CTNNA3: variants seen among roughly 807,000 people sequenced by gnomAD.
The protein encoded by CTNNA3 is catenin alpha 3, also known as catenin alpha-3.
In CTNNA3, 76 loss-of-function variants were observed where a neutral mutation model predicts 95.7. The ratio of observed to expected loss-of-function variants is 0.79; its 90% CI spans 0.66 to 0.96. The LOEUF is 0.96. Ranked by LOEUF, CTNNA3 falls within the 40% of genes least tolerant of loss-of-function variation. The pLI, the probability that CTNNA3 is intolerant of heterozygous loss-of-function variation, is 0.00. For synonymous variants in CTNNA3, 431 were observed against 374.4 expected, an observed-to-expected ratio of 1.15 and a Z score of -1.74; for missense variants, 1,191 against 1,089.8, an observed-to-expected ratio of 1.09 and a Z score of -1.31.
intron 9 of CTNNA3, among the ~76,000 whole-genome samples, chr10:66,726,798 A>AC (rs141920457): frequency 0.13 from 19,387 of 152,072 alleles, 1,486 homozygotes; most frequent in African/African-American, 0.2. Context: ...CCTGTTGGGA[A>AC]GACAGATTTG....
chr10:66,518,623 G>T (rs74745924), intron 11 of CTNNA3, among the ~76,000 whole-genome samples: 1,521 of 152,098 alleles, frequency 0.01, 30 homozygotes, highest in African/African-American at 0.035. Context: ...AAATGAATAA[G>T]TTCTTGAATA....
intron 15 of CTNNA3, among the ~76,000 whole-genome samples, chr10:65,998,229 G>A (rs2078704195): frequency 6.6e-6 from 1 of 152,140 alleles, no homozygotes; most frequent in Admixed American, 6.5e-5. Flanking sequence ...CAGCATTTCT[G>A]TGAGAAAAAT....
chr10:67,172,376 TG>T (rs1564941138), intron 7 of CTNNA3, among the ~76,000 whole-genome samples: 2 of 152,230 alleles, frequency 1.3e-5, no homozygotes, highest in African/African-American at 4.8e-5. Context: ...AGAAGAATTA[TG>T]TAACTAGAAA....
intron 6 of CTNNA3, among the ~76,000 whole-genome samples, chr10:67,193,522 C>T (rs1488152661): frequency 7.9e-5 from 12 of 151,876 alleles, no homozygotes; most frequent in Non-Finnish European, 1.5e-5. Context: ...CTATTAGGCA[C>T]CAGTGCCTGT....
intron 9 of CTNNA3, among the ~76,000 whole-genome samples, chr10:66,696,918 C>T (rs181346900): frequency 6.6e-6 from 1 of 152,096 alleles, no homozygotes; most frequent in East Asian, 1.9e-4. Flanking sequence ...GATACTGTCT[C>T]TGAAGAAAGA....
intron 7 of CTNNA3, among the ~76,000 whole-genome samples, chr10:67,053,053 C>T (rs996602969): frequency 2.6e-5 from 4 of 152,134 alleles, no homozygotes; most frequent in Non-Finnish European, 4.4e-5. Flanking sequence ...ATAACACATA[C>T]AAAAGCTAGA....
chr10:66,275,468 G>A (rs1023219624), intron 13 of CTNNA3, among the ~76,000 whole-genome samples: 19 of 152,170 alleles, frequency 1.2e-4, no homozygotes, highest in Non-Finnish European at 2.4e-4. Context: ...ACACTGTTCA[G>A]TCCTTTACTT....
intron 1 of CTNNA3, among the ~76,000 whole-genome samples, chr10:67,662,513 T>A (rs572157506): frequency 6.6e-6 from 1 of 152,302 alleles, no homozygotes; most frequent in Non-Finnish European, 1.5e-5. Context: ...TACCATCACA[T>A]GTTATGCAAG....
intron 13 of CTNNA3, among the ~76,000 whole-genome samples, chr10:66,216,950 CTCA>C (rs2088580462): frequency 6.6e-6 from 1 of 152,130 alleles, no homozygotes; most frequent in South Asian, 2.1e-4. Flanking sequence ...GAAGATCTCC[CTCA>C]TATTACCCTT....
chr10:66,541,441 C>T (rs992197921), intron 10 of CTNNA3, among the ~76,000 whole-genome samples: 1 of 151,994 alleles, frequency 6.6e-6, no homozygotes, highest in Non-Finnish European at 1.5e-5. Flanking sequence ...CCATTGCTTC[C>T]CTTCATCTGA....
intron 10 of CTNNA3, among the ~76,000 whole-genome samples, chr10:66,617,423 T>A (rs1844560845): frequency 6.6e-6 from 1 of 152,082 alleles, no homozygotes; most frequent in Non-Finnish European, 1.5e-5. Context: ...AATCAATAAA[T>A]GTAATCCAGC....
At chr10:67,295,509 T>C (rs1291456684) in intron 5 of CTNNA3, among the ~76,000 whole-genome samples, 1 of 152,194 alleles carries the variant, frequency 6.6e-6, no homozygotes, top group African/African-American at 2.4e-5. Flanking sequence ...GAGAACATTC[T>C]TACTCCAGGA....
chr10:67,266,447 T>A (rs902111138), intron 5 of CTNNA3, among the ~76,000 whole-genome samples: 1 of 152,112 alleles, frequency 6.6e-6, no homozygotes, highest in African/African-American at 2.4e-5. Flanking sequence ...GGTTGGCATT[T>A]TTCCCCCTCT....
At chr10:66,527,256 T>C (rs778616926) in intron 10 of CTNNA3, among the ~76,000 whole-genome samples, 1 of 152,166 alleles carries the variant, frequency 6.6e-6, no homozygotes, top group Non-Finnish European at 1.5e-5. Flanking sequence ...TTCTGGGATA[T>C]CTTTTCTATG....
intron 5 of CTNNA3, among the ~76,000 whole-genome samples, chr10:67,378,059 T>A (rs1464171049): frequency 6.6e-6 from 1 of 152,048 alleles, no homozygotes; most frequent in African/African-American, 2.4e-5. Context: ...GCTTTAATTT[T>A]GTACCCTTTA....
At chr10:66,677,739 C>T (rs1846911989) in intron 9 of CTNNA3, among the ~76,000 whole-genome samples, 9 of 152,100 alleles carry the variant, frequency 5.9e-5, no homozygotes, top group Admixed American at 5.9e-4. Flanking sequence ...CCATGTGGAA[C>T]CTCTTTCCTT....
At chr10:66,525,057 A>G (rs553459110) in intron 10 of CTNNA3, among the ~76,000 whole-genome samples, 2 of 152,208 alleles carry the variant, frequency 1.3e-5, no homozygotes, top group South Asian at 4.2e-4. Context: ...TTCAAATAAA[A>G]AAAAGAAAAG....
intron 1 of CTNNA3, among the ~76,000 whole-genome samples, chr10:67,705,250 C>A (rs1472562209): frequency 6.6e-6 from 1 of 152,062 alleles, no homozygotes; most frequent in African/African-American, 2.4e-5. Flanking sequence ...ACTACAAATA[C>A]CATTTGACCC....
chr10:66,894,469 C>G (rs1437773464), intron 7 of CTNNA3, among the ~76,000 whole-genome samples: 1 of 151,934 alleles, frequency 6.6e-6, no homozygotes, highest in Non-Finnish European at 1.5e-5. Context: ...CTGACTCAAG[C>G]TTGTTTCTTC....
Sources: gnomAD v4.1 joint callset for allele counts (sites outside exome capture counted in the v4.1 genomes callset) on GRCh38, gnomAD v4.1.1 for gene constraint, MANE v1.5 for transcripts, NCBI Gene and HGNC (gene_info 2026-07-23, HGNC 2026-07-21) for gene names.